The following USP24 variants were observed in gnomAD, a reference collection of about 807,000 sequenced individuals.
The protein encoded by USP24 is ubiquitin carboxyl-terminal hydrolase 24.
Under a neutral mutation model 361.6 loss-of-function variants are expected in USP24, and 97 were observed. The ratio of observed to expected loss-of-function variants is 0.27; its 90% CI spans 0.23 to 0.32. The LOEUF (loss-of-function observed/expected upper bound fraction) is 0.32. USP24 is among the 10% of genes least tolerant of loss of function. The pLI, the probability that USP24 is intolerant of heterozygous loss-of-function variation, is 1.00. For synonymous variants in USP24, 1,098 were observed against 1,124.6 expected (o/e 0.98, Z 0.47); for missense variants, 2,353 against 3,165.6 (o/e 0.74, Z 6.16).
chr1:55,117,051 A>G (rs1646136254), intron 38 of USP24, among the ~76,000 whole-genome samples: 1 of 152,224 alleles, frequency 6.6e-6, no homozygotes, highest in African/African-American at 2.4e-5. Flanking sequence ...AAATCTATGT[A>G]ATCTCATATT....
intron 55 of USP24, among the ~76,000 whole-genome samples, chr1:55,088,771 A>G (rs898752593): frequency 6.6e-6 from 1 of 152,190 alleles, no homozygotes; most frequent in African/African-American, 2.4e-5. Flanking sequence ...AGGACAAGAG[A>G]AGCTGACTTG....
intron 1 of USP24, among the ~76,000 whole-genome samples, chr1:55,186,167 C>A (rs1186341801): frequency 6.6e-6 from 1 of 152,064 alleles, no homozygotes; most frequent in Non-Finnish European, 1.5e-5. Context: ...AATAGAAAAG[C>A]AAGGAACATT....
intron 38 of USP24, among the ~76,000 whole-genome samples, chr1:55,120,095 A>C (rs1174233291): frequency 6.6e-6 from 1 of 152,204 alleles, no homozygotes; most frequent in Non-Finnish European, 1.5e-5. Context: ...GAGCACATGC[A>C]TGCAGGCTCA....
intron 51 of USP24, 21 bp from the exon 52 acceptor site, chr1:55,094,108 A>T: frequency 6.2e-7 from 1 of 1,603,564 alleles, no homozygotes; most frequent in Non-Finnish European, 8.5e-7. Context: ...GAATCAGAAA[A>T]CTCTGTCTAG....
intron 16 of USP24, among the ~76,000 whole-genome samples, chr1:55,152,262 A>G (rs1289737190): frequency 6.6e-6 from 1 of 152,222 alleles, no homozygotes; most frequent in Admixed American, 6.5e-5. Context: ...AAATAACTCC[A>G]AAAATTCTCC....
chr1:55,077,657 CTGAG>C (rs1029278037), intron 61 of USP24, among the ~76,000 whole-genome samples: 15 of 152,156 alleles, frequency 9.9e-5, no homozygotes, highest in African/African-American at 3.1e-4. Flanking sequence ...TGGGAATACT[CTGAG>C]TTAAGGATGC....
chr1:55,184,864 C>T (rs1042192538), intron 1 of USP24, among the ~76,000 whole-genome samples: 7 of 152,222 alleles, frequency 4.6e-5, no homozygotes, highest in Admixed American at 6.5e-5. Context: ...GGTAAGAACG[C>T]GCTTTGAGAC....
intron 28 of USP24, among the ~76,000 whole-genome samples, chr1:55,136,231 G>T (rs1048740073): frequency 2.0e-5 from 3 of 152,128 alleles, no homozygotes; most frequent in Admixed American, 6.5e-5. Context: ...CATCAGGAAA[G>T]AACAGTTTAG....
chr1:55,211,275 C>A (rs796562432), intron 1 of USP24, among the ~76,000 whole-genome samples: 6 of 152,290 alleles, frequency 3.9e-5, no homozygotes, highest in African/African-American at 1.4e-4. Context: ...ATAGAACAGA[C>A]TCTTATGTGC....
chr1:55,095,381 T>A lies in USP24; in HGVS notation c.6077A>T (p.Asp2026Val). The A allele has an allele frequency of 1.2e-6, 2 of 1,612,278 alleles. No homozygotes were observed. The highest frequency in any genetic ancestry group is 1.7e-6 in the Non-Finnish European group (2 of 1,179,134). ...KVYDQTNPYT[D>V]VRRRYWNAYM... The stretch of plus-strand genomic sequence containing the variant: ...GGCATTCCAGTATCTTCGGCGCACA[T>A]CAGTGTATGGGTTTGCTTTATAACA... Residue 2026 changes from aspartate (D) to valine (V), a missense_variant, in exon 51 of 68, where the codon GAT becomes GTT. By Grantham distance (152) the Asp-to-Val change is radical (BLOSUM62 -3). Coordinates refer to ENST00000294383, the MANE Select transcript of USP24 (RefSeq NM_015306.3).
At chr1:55,203,279 A>G (rs1416189176) in intron 1 of USP24, among the ~76,000 whole-genome samples, 1 of 152,194 alleles carries the variant, frequency 6.6e-6, no homozygotes, top group East Asian at 1.9e-4. Context: ...ACAGTCAAAG[A>G]CTTCCTCAGG....
At chr1:55,177,597 T>C (rs944114212) in intron 2 of USP24, among the ~76,000 whole-genome samples, 1 of 152,192 alleles carries the variant, frequency 6.6e-6, no homozygotes, top group Non-Finnish European at 1.5e-5. Flanking sequence ...TTGATATTTA[T>C]AAAGCTTAAA....
intron 39 of USP24, among the ~76,000 whole-genome samples, chr1:55,108,654 GA>G (rs1396151061): frequency 6.6e-6 from 1 of 152,158 alleles, no homozygotes; most frequent in Non-Finnish European, 1.5e-5. Context: ...ATCTTAACAA[GA>G]GATCCTGGGT....
At chr1:55,095,470 C>A in intron 50 of USP24, 74 bp from the exon 51 acceptor site, 1 of 1,453,372 alleles carries the variant, frequency 6.9e-7, no homozygotes. Context: ...AAACAAAGGG[C>A]CCATTATTCC....
At chr1:55,194,359 A>C (rs1644363696) in intron 1 of USP24, among the ~76,000 whole-genome samples, 2 of 152,200 alleles carry the variant, frequency 1.3e-5, no homozygotes, top group African/African-American at 4.8e-5. Context: ...TGAGAAAGAG[A>C]GCATGGTGCC....
At chr1:55,109,240 G>C (rs983989401) in intron 39 of USP24, among the ~76,000 whole-genome samples, 2 of 152,328 alleles carry the variant, frequency 1.3e-5, no homozygotes, top group African/African-American at 4.8e-5. Context: ...GCCTCCCAAA[G>C]TGCCAGGATC....
intron 24 of USP24, among the ~76,000 whole-genome samples, chr1:55,140,009 C>CA (rs60120528): frequency 1.3e-5 from 2 of 151,992 alleles, no homozygotes; most frequent in African/African-American, 4.8e-5. Flanking sequence ...AAACCCCCCC[C>CA]ACCCCAAGTT....
chr1:55,157,736 AG>A (rs1647828202), intron 10 of USP24, among the ~76,000 whole-genome samples: 1 of 151,900 alleles, frequency 6.6e-6, no homozygotes, highest in African/African-American at 2.4e-5. Flanking sequence ...CAGGAGGCTA[AG>A]GCAGGAGAAT....
chr1:55,102,539 A>G (rs1262999032), intron 42 of USP24, among the ~76,000 whole-genome samples: 1 of 152,170 alleles, frequency 6.6e-6, no homozygotes, highest in Non-Finnish European at 1.5e-5. Flanking sequence ...GTAATAACCA[A>G]CTAGCAGACA....
Sources: gnomAD v4.1 joint callset for allele counts (sites outside exome capture counted in the v4.1 genomes callset) on GRCh38, gnomAD v4.1.1 for gene constraint, MANE v1.5 for transcripts, NCBI Gene and HGNC (gene_info 2026-07-23, HGNC 2026-07-21) for gene names.